TFAP2A: variants seen among roughly 807,000 people sequenced by gnomAD.
TFAP2A encodes the protein transcription factor AP-2-alpha.
TFAP2A carries 7 observed loss-of-function variants against 41.5 expected under a neutral mutation model. The ratio of observed to expected loss-of-function variants is 0.17; its 90% CI spans 0.10 to 0.32. The LOEUF (loss-of-function observed/expected upper bound fraction) is 0.32. Ranked by LOEUF, TFAP2A falls within the 10% of genes least tolerant of loss-of-function variation. The pLI is 1.00. For missense variants in TFAP2A, 416 were observed against 563.3 expected (o/e 0.74, Z 2.65); for synonymous variants, 247 against 242.8 (o/e 1.02, Z -0.16).
intron 2 of TFAP2A, chr6:10,407,204 C>A: frequency 3.4e-6 from 1 of 292,572 alleles, no homozygotes; most frequent in Non-Finnish European, 6.6e-6. Context: ...GCCTCAGCGG[C>A]TTCTGACTTT....
intron 1 of TFAP2A, chr6:10,412,228 C>A (rs1758005137): frequency 1.0e-6 from 1 of 986,362 alleles, no homozygotes; most frequent in Non-Finnish European, 1.2e-6. Context: ...GGCGAGCGCG[C>A]GGGGGGCCGC....
chr6:10,404,483 CGGGCG>C lies in TFAP2A; in HGVS notation c.770+20_770+24del. ...TGGTTCCCCCGGCCGCGGGGCGGGGCGGGCGGGGCCGTGCCGGGCCTCACCTCCGG... is the reference window on the plus strand; with the variant it reads ...TGGTTCCCCCGGCCGCGGGGCGGGGCGGGCCGTGCCGGGCCTCACCTCCGG... On this transcript the variant is annotated intron_variant, in intron 4 of 6. Coordinates refer to ENST00000379613, the MANE Select transcript of TFAP2A (RefSeq NM_001372066.1). 1.3e-6 allele frequency: 2 copies of C among 1,482,654 alleles called. No homozygotes were observed. The highest frequency in any genetic ancestry group is 1.8e-6 in the Non-Finnish European group (2 of 1,111,602). 91.8% of individuals were successfully genotyped at this position (1,482,654 alleles called of 1,614,324 possible).
chr6:10,415,223 G>T, upstream of TFAP2A: 2 of 1,468,870 alleles, frequency 1.4e-6, no homozygotes, highest in Non-Finnish European at 1.8e-6. Context: ...AGGAGAGAAG[G>T]GAAAGAGCTC....
rs992901960 is a variant in TFAP2A at position 10,397,663 on chromosome 6, A to AT, written c.*753_*754insA. ...GAGGTAAACAAGATCAGATAAATAA[A>AT]AAAAAAAAGGCTTAAAACAGACTCA... is the stretch of plus-strand genomic sequence containing the variant. On this transcript the variant is annotated 3_prime_UTR_variant, in exon 7 of 7. Transcript: ENST00000379613. The AT allele has an allele frequency of 2.6e-5, 5 of 190,870 alleles. No individual in the cohort carries two copies. Among genetic ancestry groups the AT allele is most frequent in the Non-Finnish European group, 3.9e-5 (4 of 103,526 alleles). 11.8% of individuals were successfully genotyped at this position (190,870 alleles called of 1,614,324 possible).
Position 10,415,003 on chromosome 6 carries a change from A to T in TFAP2A, c.-12T>A. 1 of 1,614,022 alleles carries T rather than the reference A, an allele frequency of 6.2e-7. No homozygotes were observed. Among genetic ancestry groups the T allele is most frequent in the Non-Finnish European group, 8.5e-7 (1 of 1,180,018 alleles). ...CAAAGCATTTTCATGGATCGGCGTG[A>T]ACGGATATGCCCCTCTCGGTCTCGC... On this transcript the variant is annotated 5_prime_UTR_variant, in exon 1 of 7. Coordinates refer to ENST00000379613, the MANE Select transcript of TFAP2A (RefSeq NM_001372066.1).
Position 10,397,529 on chromosome 6 carries a change from C to G in TFAP2A, c.*888G>C, listed in dbSNP as rs1036570717. The stretch of plus-strand genomic sequence containing the variant: ...TCACCTTTAACATGCTACAACAGGG[C>G]TAAATTCATGAATCCCAGAGAAAAA... On this transcript the variant is annotated 3_prime_UTR_variant, in exon 7 of 7. Coordinates refer to ENST00000379613, the MANE Select transcript of TFAP2A (RefSeq NM_001372066.1). 6.6e-6 allele frequency: 1 copy of G among 151,816 alleles called. No individual in the cohort carries two copies. The highest frequency in any genetic ancestry group is 1.5e-5 in the Non-Finnish European group (1 of 67,996). The allele number at this position is 151,816 out of a possible 1,614,324, so 9.4% of individuals were successfully genotyped here.
intron 1 of TFAP2A, chr6:10,411,833 C>T: frequency 7.1e-7 from 1 of 1,417,858 alleles, no homozygotes; most frequent in Non-Finnish European, 9.2e-7. Context: ...CGGTCTCTAT[C>T]CTGCCGCGAC....
chr6:10,400,322 G>GT, intron 6 of TFAP2A, 126 bp downstream of exon 6: 2 of 1,214,354 alleles, frequency 1.6e-6, no homozygotes, highest in Non-Finnish European at 2.4e-6. Flanking sequence ...ATAAGATGGT[G>GT]TTATAACTGC....
intron 3 of TFAP2A, chr6:10,406,557 A>AT (rs1757722267): frequency 1.8e-6 from 1 of 565,694 alleles, no homozygotes; most frequent in African/African-American, 1.9e-5. Flanking sequence ...GTTTGTCCAA[A>AT]TATCATTAAA....
intron 1 of TFAP2A, 21 bp downstream of exon 1, chr6:10,414,920 T>C: frequency 6.2e-7 from 1 of 1,613,546 alleles, no homozygotes; most frequent in Non-Finnish European, 8.5e-7. Flanking sequence ...GCACGGATGA[T>C]CGAGCCGGCG....
At chr6:10,399,161 A>G (rs1761909777) in intron 6 of TFAP2A, among the ~76,000 whole-genome samples, 1 of 152,240 alleles carries the variant, frequency 6.6e-6, no homozygotes. Flanking sequence ...GAGAGACCTC[A>G]GCAGCAGTTT....
intron 4 of TFAP2A, among the ~76,000 whole-genome samples, chr6:10,403,427 A>G (rs537777733): frequency 1.5e-4 from 23 of 152,228 alleles, no homozygotes; most frequent in Non-Finnish European, 3.1e-4. Context: ...CTACAAAGGG[A>G]AAGCAAAATG....
upstream of TFAP2A, among the ~76,000 whole-genome samples, chr6:10,419,010 G>C (rs1181711096): frequency 6.6e-6 from 1 of 152,116 alleles, no homozygotes; most frequent in Admixed American, 6.5e-5. Context: ...AGGCGCAGCA[G>C]GCTGAAAACC....
At chr6:10,419,364 T>G, upstream of TFAP2A, 39 of 1,028,144 alleles carry the variant, frequency 3.8e-5, no homozygotes, top group Non-Finnish European at 5.2e-5. Flanking sequence ...TCCGGCCCCC[T>G]CCCCTACTCC....
rs79025376 is a variant in TFAP2A, at chr6:10,400,385, G to A, written c.1031+63C>T. 2.5e-3 allele frequency: 4,022 copies of A among 1,610,394 alleles called. 85 individuals are homozygous for A. In the African/African-American group the frequency reaches 0.044, roughly 18 times the overall value. Reference sequence around the variant, plus strand: ...ACAAGGGAGAAGGAAGAGCAAAAACGATTTTTGTTTCTCTTTCTCTTGACA... The same window carrying A: ...ACAAGGGAGAAGGAAGAGCAAAAACAATTTTTGTTTCTCTTTCTCTTGACA... On this transcript the variant is annotated intron_variant, in intron 6 of 6. Transcript: ENST00000379613.
chr6:10,396,765 C>T lies in TFAP2A; in HGVS notation c.*1652G>A, dbSNP rs946130784. The T allele has an allele frequency of 6.6e-6, 1 of 151,600 alleles. No individual in the cohort carries two copies. Among genetic ancestry groups the T allele is most frequent in the Non-Finnish European group, 1.5e-5 (1 of 67,920 alleles). 9.4% of individuals were successfully genotyped at this position (151,600 alleles called of 1,614,324 possible). On this transcript the variant is annotated 3_prime_UTR_variant, in exon 7 of 7. Coordinates refer to ENST00000379613, the MANE Select transcript of TFAP2A (RefSeq NM_001372066.1). Reference sequence around the variant, plus strand: ...ACAGTATGTCATTCCTTTAGCAGTACAAACAATCTTTTATCCAAAAGAATA... The same window carrying T: ...ACAGTATGTCATTCCTTTAGCAGTATAAACAATCTTTTATCCAAAAGAATA...
chr6:10,400,311 T>C, intron 6 of TFAP2A, 137 bp downstream of exon 6: 2 of 1,054,298 alleles, frequency 1.9e-6, no homozygotes, highest in Non-Finnish European at 2.9e-6. Context: ...ATAGACTATA[T>C]ATAAGATGGT....
rs1757688668 is a variant in TFAP2A at position 10,405,831 on chromosome 6, A to T, written c.538+962T>A. 2 of 152,206 alleles carry T rather than the reference A, an allele frequency of 1.3e-5. 1 individual carries two copies. Among genetic ancestry groups the T allele is most frequent in the South Asian group, 4.1e-4 (2 of 4,830 alleles). 9.4% of individuals were successfully genotyped at this position (152,206 alleles called of 1,614,324 possible). ...TGGATAGATCACTTGTGACATTAAT[A>T]GCTCTGGGGAGGCTAATAGAGACAA... On this transcript the variant is annotated intron_variant, in intron 3 of 6. Transcript: ENST00000379613.
At chr6:10,415,244 TC>T, upstream of TFAP2A, 2 of 1,450,002 alleles carry the variant, frequency 1.4e-6, no homozygotes, top group Non-Finnish European at 1.8e-6. Context: ...CCGTGTGCGC[TC>T]GGAGATCTCC....
Sources: allele counts gnomAD v4.1 joint callset (sites outside exome capture counted in the v4.1 genomes callset), GRCh38; gene constraint gnomAD v4.1.1; transcripts MANE v1.5; gene names NCBI Gene and HGNC (gene_info 2026-07-23, HGNC 2026-07-21).